The following PPP3CA variants were observed in gnomAD, a reference collection of about 807,000 sequenced individuals.
The protein encoded by PPP3CA is protein phosphatase 3 catalytic subunit alpha.
In PPP3CA, 14 loss-of-function variants were observed where a neutral mutation model predicts 66.5. The observed-to-expected ratio is 0.21, with a 90% CI of 0.14 to 0.33. PPP3CA has a LOEUF of 0.33. PPP3CA is among the 10% of genes least tolerant of loss of function. The pLI is 1.00. For synonymous variants in PPP3CA, 232 were observed against 226.2 expected, an observed-to-expected ratio of 1.03 and a Z score of -0.23; for missense variants, 317 against 639.5, an observed-to-expected ratio of 0.50 and a Z score of 5.44.
chr4:101,094,504 A>C (rs1372926199), intron 5 of PPP3CA, among the ~76,000 whole-genome samples: 7 of 152,170 alleles, frequency 4.6e-5, no homozygotes, highest in Admixed American at 4.6e-4. Flanking sequence ...ATACTATTTC[A>C]TTATGGGCTA....
At position 101,025,644 on chromosome 4, in the gene PPP3CA, C is replaced by A; in HGVS notation, c.*221G>T. The A allele has an allele frequency of 2.3e-6, 1 of 433,128 alleles. No individual in the cohort carries two copies. Among genetic ancestry groups the A allele is most frequent in the South Asian group, 5.5e-5 (1 of 18,118 alleles). The allele number at this position is 433,128 out of a possible 1,614,324, so 26.8% of individuals were successfully genotyped here. ...TATAAGCATTTTTAAAAGGCATACCCAAAAGAGGTGTTTAATCACCATCCC... is the reference window on the plus strand; with the variant it reads ...TATAAGCATTTTTAAAAGGCATACCAAAAAGAGGTGTTTAATCACCATCCC... On this transcript the variant is annotated 3_prime_UTR_variant, in exon 14 of 14. Coordinates refer to ENST00000394854, the MANE Select transcript of PPP3CA (RefSeq NM_000944.5).
chr4:101,103,515 T>C (rs954973215), intron 3 of PPP3CA, among the ~76,000 whole-genome samples: 2 of 152,222 alleles, frequency 1.3e-5, no homozygotes, highest in African/African-American at 2.4e-5. Context: ...TTCATGTCTG[T>C]GGCATTACTC....
intron 1 of PPP3CA, among the ~76,000 whole-genome samples, chr4:101,275,031 G>A (rs1727446000): frequency 1.3e-5 from 2 of 152,098 alleles, no homozygotes; most frequent in African/African-American, 4.8e-5. Flanking sequence ...TTCAGTGATT[G>A]GGCTCCAAAA....
At chr4:101,160,963 C>T (rs1001037415) in intron 2 of PPP3CA, among the ~76,000 whole-genome samples, 1 of 152,072 alleles carries the variant, frequency 6.6e-6, no homozygotes, top group Admixed American at 6.6e-5. Context: ...CAAAGAAATA[C>T]AGTCACGTAC....
intron 1 of PPP3CA, among the ~76,000 whole-genome samples, chr4:101,238,305 C>G (rs1285746880): frequency 4.0e-5 from 6 of 151,728 alleles, no homozygotes; most frequent in Admixed American, 3.9e-4. Context: ...TGATTTAATA[C>G]CTTGTCCTTC....
At chr4:101,026,193 G>T in intron 13 of PPP3CA, 132 bp from the exon 14 acceptor site, 2 of 699,838 alleles carry the variant, frequency 2.9e-6, no homozygotes, top group South Asian at 2.0e-5. Context: ...AAAGTGACGG[G>T]ACCTGCACAC....
intron 6 of PPP3CA, among the ~76,000 whole-genome samples, chr4:101,093,141 C>G (rs1578439162): frequency 6.6e-6 from 1 of 152,176 alleles, no homozygotes; most frequent in African/African-American, 2.4e-5. Flanking sequence ...TTAATGATCG[C>G]CATTCTAACT....
intron 10 of PPP3CA, among the ~76,000 whole-genome samples, chr4:101,049,056 C>T (rs1186094719): frequency 6.6e-6 from 1 of 152,084 alleles, no homozygotes; most frequent in Non-Finnish European, 1.5e-5. Context: ...GATAGGAAGT[C>T]TTAAAAATGG....
chr4:101,131,141 C>T (rs1175864933), intron 2 of PPP3CA, among the ~76,000 whole-genome samples: 1 of 151,884 alleles, frequency 6.6e-6, no homozygotes, highest in African/African-American at 2.4e-5. Flanking sequence ...AAGGCTGAGG[C>T]AGGAGAACTG....
At chr4:101,057,512 C>T (rs1040826175) in intron 10 of PPP3CA, among the ~76,000 whole-genome samples, 6 of 152,124 alleles carry the variant, frequency 3.9e-5, no homozygotes, top group Non-Finnish European at 7.4e-5. Flanking sequence ...TTTCGGACTC[C>T]GATCTCTAAA....
chr4:101,037,641 C>T (rs1436885947), intron 11 of PPP3CA, among the ~76,000 whole-genome samples: 4 of 151,844 alleles, frequency 2.6e-5, no homozygotes, highest in African/African-American at 4.8e-5. Flanking sequence ...ATTATCCATA[C>T]GTCACCTTGC....
At chr4:101,245,083 C>T (rs913168785) in intron 1 of PPP3CA, among the ~76,000 whole-genome samples, 5 of 151,546 alleles carry the variant, frequency 3.3e-5, no homozygotes, top group East Asian at 1.9e-4. Flanking sequence ...CATACTAGTC[C>T]GAATAGATTT....
chr4:101,324,543 T>C lies in PPP3CA; in HGVS notation c.58+22196A>G, dbSNP rs146296431. 3.0e-3 allele frequency among the ~76,000 whole-genome samples: 461 copies of C among 152,192 alleles called. 2 individuals carry two copies. Among genetic ancestry groups the C allele is most frequent in the African/African-American group, 0.011 (443 of 41,556 alleles). On this transcript the variant is annotated intron_variant, in intron 1 of 13. Transcript: ENST00000394854. ...GCAGCCATGCACAAACAGAAGAACA[T>C]TTAAAAAAAATTAAAATACTTAGAA...
At chr4:101,080,380 G>T in intron 8 of PPP3CA, 152 bp downstream of exon 8, 1 of 364,736 alleles carries the variant, frequency 2.7e-6, no homozygotes, top group Non-Finnish European at 4.9e-6. Flanking sequence ...CTGTATCTTT[G>T]AGGATAATCA....
At chr4:101,322,408 C>CTT (rs1254595877) in intron 1 of PPP3CA, among the ~76,000 whole-genome samples, 30 of 134,128 alleles carry the variant, frequency 2.2e-4, no homozygotes, top group Admixed American at 6.0e-4. Flanking sequence ...CTACTGACAT[C>CTT]TTTTTTTTTT....
chr4:101,138,130 C>G (rs1722682576), intron 2 of PPP3CA, among the ~76,000 whole-genome samples: 1 of 152,202 alleles, frequency 6.6e-6, no homozygotes, highest in Non-Finnish European at 1.5e-5. Context: ...AATTCCTCAT[C>G]ATGGCACTAC....
At chr4:101,077,824 GTTTTTT>G (rs74428810) in intron 8 of PPP3CA, among the ~76,000 whole-genome samples, 1 of 133,604 alleles carries the variant, frequency 7.5e-6, no homozygotes, top group Non-Finnish European at 1.6e-5. Flanking sequence ...ACTGGTATCT[GTTTTTT>G]TTTTTTTTTT....
intron 1 of PPP3CA, among the ~76,000 whole-genome samples, chr4:101,199,423 C>T (rs1279977672): frequency 2.0e-5 from 3 of 152,144 alleles, no homozygotes; most frequent in Admixed American, 2.0e-4. Flanking sequence ...AGTAAAAATT[C>T]AGAAATAGCT....
chr4:101,255,933 C>T (rs1726825983), intron 1 of PPP3CA, among the ~76,000 whole-genome samples: 1 of 151,858 alleles, frequency 6.6e-6, no homozygotes, highest in Non-Finnish European at 1.5e-5. Context: ...TTCTCTTCCT[C>T]CTCCATTTTT....
Sources: gnomAD v4.1 joint callset for allele counts (sites outside exome capture counted in the v4.1 genomes callset) on GRCh38, gnomAD v4.1.1 for gene constraint, MANE v1.5 for transcripts, NCBI Gene and HGNC (gene_info 2026-07-23, HGNC 2026-07-21) for gene names.